STK32B: variants seen among roughly 807,000 people sequenced by gnomAD.
STK32B encodes the protein serine/threonine-protein kinase 32B.
STK32B carries 43 observed loss-of-function variants against 52.6 expected under a neutral mutation model. That is an observed-to-expected ratio of 0.82 (90% CI 0.64 to 1.05). The LOEUF is 1.05. STK32B is among the 50% of genes least tolerant of loss of function. The probability of loss-of-function intolerance (pLI) is 0.00; values close to 1 mark genes in which losing one functional copy is unlikely to be tolerated. For synonymous variants in STK32B, 238 were observed against 204.3 expected, an observed-to-expected ratio of 1.17 and a Z score of -1.41; for missense variants, 621 against 534.6, an observed-to-expected ratio of 1.16 and a Z score of -1.59.
chr4:5,268,365 C>T (rs73797170), intron 3 of STK32B, among the ~76,000 whole-genome samples: 7,838 of 152,142 alleles, frequency 0.052, 282 homozygotes, highest in African/African-American at 0.1. Context: ...GTATCTGCCT[C>T]GACCGCTCTG....
intron 3 of STK32B, among the ~76,000 whole-genome samples, chr4:5,320,042 C>T (rs975781365): frequency 2.0e-5 from 3 of 152,160 alleles, no homozygotes; most frequent in Non-Finnish European, 2.9e-5. Context: ...CAGGAAAGCA[C>T]ACTTGCAGGA....
At chr4:5,421,975 C>T (rs950835789) in intron 6 of STK32B, among the ~76,000 whole-genome samples, 12 of 152,202 alleles carry the variant, frequency 7.9e-5, no homozygotes, top group African/African-American at 2.7e-4. Context: ...CTACACCAAG[C>T]TGCCTTTTTG....
rs144234552 is a variant in STK32B, at chr4:5,399,138, C to T, written c.472+894C>T. Among the ~76,000 whole-genome samples, 28 of 152,322 alleles carry T rather than the reference C, an allele frequency of 1.8e-4. No homozygotes were observed. The highest frequency in any genetic ancestry group is 3.5e-4 in the Non-Finnish European group (24 of 68,030). On this transcript the variant is annotated intron_variant, in intron 5 of 11. Transcript: ENST00000282908. This position sits in a 1 kb window ranked among gnomAD's most constrained non-coding sequence, Gnocchi z 5.4. The stretch of plus-strand genomic sequence containing the variant: ...GCTGATGCCAACAGGAGACTTACAG[C>T]CTTCAAAACTAAATTCACTGGCATT...
chr4:5,113,027 G>A (rs1037666949), intron 1 of STK32B, among the ~76,000 whole-genome samples: 1 of 152,164 alleles, frequency 6.6e-6, no homozygotes, highest in African/African-American at 2.4e-5. Flanking sequence ...TAGTAGATGA[G>A]ATGGAGCCTC....
chr4:5,138,891 A>AG lies in STK32B; in HGVS notation c.53-1011dup, dbSNP rs577290075. On this transcript the variant is annotated intron_variant, in intron 1 of 11. Coordinates refer to ENST00000282908, the MANE Select transcript of STK32B (RefSeq NM_018401.3). ...CATTCAGTAGGTGATGGGAGTGAGCAGGGAAGGGAGGCAGGAGAAGCAGCT... is the reference window on the plus strand; with the variant it reads ...CATTCAGTAGGTGATGGGAGTGAGCAGGGGAAGGGAGGCAGGAGAAGCAGCT... Among the ~76,000 whole-genome samples, 23 of 152,284 alleles carry AG rather than the reference A, an allele frequency of 1.5e-4. No homozygotes were observed. In the East Asian group the frequency reaches 4.4e-3, roughly 29 times the overall value.
At chr4:5,230,949 T>A (rs1724220078) in intron 3 of STK32B, among the ~76,000 whole-genome samples, 1 of 152,078 alleles carries the variant, frequency 6.6e-6, no homozygotes, top group Non-Finnish European at 1.5e-5. Flanking sequence ...CAACAGACAA[T>A]TTAGAGTCTA....
chr4:5,377,943 T>C (rs1735687683), intron 4 of STK32B, among the ~76,000 whole-genome samples: 1 of 152,102 alleles, frequency 6.6e-6, no homozygotes, highest in South Asian at 2.1e-4. Context: ...AAAAAATAAA[T>C]AAAAACAAAA....
chr4:5,456,934 AG>A lies in STK32B; in HGVS notation c.783+12del, dbSNP rs766998036. On this transcript the variant is annotated intron_variant, in intron 8 of 11. Coordinates refer to ENST00000282908, the MANE Select transcript of STK32B (RefSeq NM_018401.3). ...GCCCTGCTGAGGAAGGTAAGGGGGCAGCTTCCAGCCTGCCCCGCCAGGGAGC... is the reference window on the plus strand; with the variant it reads ...GCCCTGCTGAGGAAGGTAAGGGGGCACTTCCAGCCTGCCCCGCCAGGGAGC... The A allele has an allele frequency of 2.6e-6, 4 of 1,518,608 alleles. No homozygotes were observed. The highest frequency in any genetic ancestry group is 3.5e-6 in the Non-Finnish European group (4 of 1,128,026). 94.1% of individuals were successfully genotyped at this position (1,518,608 alleles called of 1,614,324 possible). A position where few individuals can be genotyped will look rare whatever the true frequency, so the allele number is the denominator to read the frequency against.
chr4:5,317,044 T>TATA (rs1730993505), intron 3 of STK32B, among the ~76,000 whole-genome samples: 1 of 26,516 alleles, frequency 3.8e-5, no homozygotes, highest in African/African-American at 3.1e-4. Flanking sequence ...TAATATATTA[T>TATA]ATATATAATA....
intron 7 of STK32B, among the ~76,000 whole-genome samples, chr4:5,448,675 A>C (rs532045879): frequency 6.6e-6 from 1 of 152,112 alleles, no homozygotes; most frequent in Non-Finnish European, 1.5e-5. Context: ...TCCAGATGCT[A>C]TTTTCAAGGA....
At chr4:5,376,831 T>C (rs980566370) in intron 4 of STK32B, among the ~76,000 whole-genome samples, 2 of 152,070 alleles carry the variant, frequency 1.3e-5, no homozygotes, top group Non-Finnish European at 2.9e-5. Context: ...GGGCCAGTTC[T>C]CCCCACATCC....
intron 3 of STK32B, among the ~76,000 whole-genome samples, chr4:5,183,591 G>A (rs536444746): frequency 1.1e-4 from 16 of 152,298 alleles, no homozygotes; most frequent in Middle Eastern, 6.8e-3. Flanking sequence ...AGTGAGATGG[G>A]GGATGGCCAG....
intron 1 of STK32B, among the ~76,000 whole-genome samples, chr4:5,124,602 A>G (rs1359416125): frequency 6.6e-6 from 1 of 152,222 alleles, no homozygotes; most frequent in African/African-American, 2.4e-5. Flanking sequence ...TACAGGTCAT[A>G]GATATAAAGG....
chr4:5,022,646 G>A, the STK32B span, among the ~76,000 whole-genome samples: 10 of 152,172 alleles, frequency 6.6e-5, no homozygotes, highest in African/African-American at 1.7e-4. Context: ...CATCGGGCAC[G>A]GACCCCATCA....
At chr4:5,111,127 G>A (rs902675897) in intron 1 of STK32B, among the ~76,000 whole-genome samples, 1 of 152,144 alleles carries the variant, frequency 6.6e-6, no homozygotes, top group African/African-American at 2.4e-5. Flanking sequence ...TGTTGATGTG[G>A]ACGTGGAGAA....
At chr4:5,174,271 T>C (rs1719636812) in intron 3 of STK32B, among the ~76,000 whole-genome samples, 1 of 152,206 alleles carries the variant, frequency 6.6e-6, no homozygotes, top group Non-Finnish European at 1.5e-5. Flanking sequence ...CCAGTTTGTG[T>C]TTTTTAATTG....
intron 1 of STK32B, among the ~76,000 whole-genome samples, chr4:5,063,663 G>C (rs889316057): frequency 1.3e-5 from 2 of 152,168 alleles, no homozygotes; most frequent in Admixed American, 1.3e-4. Flanking sequence ...AAATTATTGA[G>C]ATATTTTACA....
At chr4:5,434,454 G>GTGTGTATA (rs1412605937) in intron 6 of STK32B, among the ~76,000 whole-genome samples, 4 of 131,224 alleles carry the variant, frequency 3.0e-5, no homozygotes, top group African/African-American at 8.6e-5. Flanking sequence ...GTGTGTGTGT[G>GTGTGTATA]TATATATATA....
At chr4:5,411,978 G>A (rs769354985) in intron 5 of STK32B, among the ~76,000 whole-genome samples, 28 of 152,282 alleles carry the variant, frequency 1.8e-4, no homozygotes, top group Middle Eastern at 6.8e-3. Flanking sequence ...AATCGTGTAA[G>A]TCCTGGGGTC....
Sources: allele counts gnomAD v4.1 joint callset (sites outside exome capture counted in the v4.1 genomes callset), GRCh38; gene constraint gnomAD v4.1.1; non-coding constraint Gnocchi (gnomAD v3.1); transcripts MANE v1.5; gene names NCBI Gene and HGNC (gene_info 2026-07-23, HGNC 2026-07-21).